PHC3: variants seen among roughly 807,000 people sequenced by gnomAD.
PHC3 encodes the protein polyhomeotic-like protein 3.
In PHC3, 13 loss-of-function variants were observed where a neutral mutation model predicts 107.4. The observed-to-expected ratio is 0.12, with a 90% CI of 0.08 to 0.19. The LOEUF (loss-of-function observed/expected upper bound fraction) is 0.19, where lower values mean the gene tolerates loss of function less well. PHC3 is among the 10% of genes least tolerant of loss of function. PHC3 has a pLI of 1.00. For synonymous variants in PHC3, 456 were observed against 427.4 expected (o/e 1.07, Z -0.83); for missense variants, 992 against 1,210.9 (o/e 0.82, Z 2.68).
At chr3:170,133,863 A>C (rs903191144) in intron 7 of PHC3, among the ~76,000 whole-genome samples, 3 of 152,146 alleles carry the variant, frequency 2.0e-5, no homozygotes, top group Non-Finnish European at 2.9e-5. Flanking sequence ...AAAATCCAAA[A>C]CTAGATTTCC....
At chr3:170,111,748 C>T (rs1001410706) in intron 11 of PHC3, among the ~76,000 whole-genome samples, 2 of 151,786 alleles carry the variant, frequency 1.3e-5, no homozygotes, top group Non-Finnish European at 2.9e-5. Flanking sequence ...CATGTTGCAA[C>T]AGTTTATAAA....
intron 8 of PHC3, among the ~76,000 whole-genome samples, chr3:170,126,521 TATATATA>T (rs1220585349): frequency 1.2e-5 from 1 of 81,362 alleles, no homozygotes; most frequent in Non-Finnish European, 2.4e-5. Context: ...TATATATATA[TATATATA>T]TTTTTTTTTT....
intron 6 of PHC3, among the ~76,000 whole-genome samples, chr3:170,137,980 T>G (rs1340533563): frequency 6.6e-6 from 1 of 151,950 alleles, no homozygotes; most frequent in Non-Finnish European, 1.5e-5. Flanking sequence ...GGTGGGTGGA[T>G]CACTTCAGGC....
intron 4 of PHC3, among the ~76,000 whole-genome samples, chr3:170,159,076 C>A (rs912758954): frequency 5.3e-5 from 8 of 151,640 alleles, no homozygotes; most frequent in Admixed American, 5.3e-4. Flanking sequence ...ATGGTGAAAC[C>A]GCGTATCCAC....
chr3:170,168,172 T>C (rs142596871), intron 4 of PHC3, among the ~76,000 whole-genome samples: 205 of 129,652 alleles, frequency 1.6e-3, no homozygotes, highest in African/African-American at 4.0e-3. Flanking sequence ...GGAAAGGGAA[T>C]GGAAAGGCAA....
chr3:170,165,453 T>C (rs564821655), intron 4 of PHC3, among the ~76,000 whole-genome samples: 2 of 151,606 alleles, frequency 1.3e-5, no homozygotes, highest in Non-Finnish European at 2.9e-5. Context: ...AACAAAGATA[T>C]CAGAATTATA....
chr3:170,096,571 C>T lies in PHC3; in HGVS notation c.*659G>A, dbSNP rs1714668012. ...CAAAACTGACCTCCACTGAGAACCACTGCTCTAAATAAATGTACAAAAACT... is the reference window on the plus strand; with the variant it reads ...CAAAACTGACCTCCACTGAGAACCATTGCTCTAAATAAATGTACAAAAACT... On this transcript the variant is annotated 3_prime_UTR_variant, in exon 15 of 15. Coordinates refer to ENST00000495893, the MANE Select transcript of PHC3 (RefSeq NM_024947.4). 1 of 152,116 alleles carries T rather than the reference C, an allele frequency of 6.6e-6. No individual in the cohort carries two copies. The highest frequency in any genetic ancestry group is 1.5e-5 in the Non-Finnish European group (1 of 68,022). 9.4% of individuals were successfully genotyped at this position (152,116 alleles called of 1,614,324 possible).
At chr3:170,124,907 AAAAAT>A (rs888524905) in intron 8 of PHC3, among the ~76,000 whole-genome samples, 12 of 152,334 alleles carry the variant, frequency 7.9e-5, no homozygotes, top group East Asian at 1.9e-4. Context: ...GGTGACAATC[AAAAAT>A]AAAATAAAAT....
At chr3:170,154,652 T>C (rs1338685794) in intron 4 of PHC3, among the ~76,000 whole-genome samples, 1 of 152,182 alleles carries the variant, frequency 6.6e-6, no homozygotes, top group African/African-American at 2.4e-5. Flanking sequence ...TGAAGACAAC[T>C]AGCAACGCCC....
At chr3:170,141,453 A>C (rs926242246) in intron 6 of PHC3, among the ~76,000 whole-genome samples, 1 of 152,108 alleles carries the variant, frequency 6.6e-6, no homozygotes, top group Non-Finnish European at 1.5e-5. Context: ...AATTATTTTG[A>C]CTCTATTCAC....
chr3:170,168,401 A>G (rs1424948890), intron 4 of PHC3, among the ~76,000 whole-genome samples: 1 of 152,144 alleles, frequency 6.6e-6, no homozygotes, highest in Non-Finnish European at 1.5e-5. Flanking sequence ...TGCTCCATTT[A>G]AGTTGAAATA....
intron 9 of PHC3, among the ~76,000 whole-genome samples, chr3:170,119,052 A>AAG (rs1553784581): frequency 1.3e-5 from 2 of 151,382 alleles, no homozygotes; most frequent in East Asian, 3.9e-4. Context: ...AAAAAAAAAA[A>AAG]AAAGAAAAAG....
At chr3:170,109,917 AAGTACAT>A (rs1274314790) in intron 11 of PHC3, among the ~76,000 whole-genome samples, 2 of 152,150 alleles carry the variant, frequency 1.3e-5, no homozygotes, top group Non-Finnish European at 2.9e-5. Context: ...ATAAACACTG[AAGTACAT>A]AGTAACAGAA....
intron 4 of PHC3, among the ~76,000 whole-genome samples, chr3:170,161,910 A>G (rs953733400): frequency 2.6e-4 from 39 of 152,270 alleles, no homozygotes; most frequent in African/African-American, 8.9e-4. Flanking sequence ...TAAAGGTCCT[A>G]TCTCTAATAC....
Position 170,136,432 on chromosome 3 carries a change from C to A in PHC3, c.906G>T (p.Gln302His). ...GTTTTATCCCACCTGGTGCTATTAA[C>A]TGGTGAATACTTGATGTCCGGGTGA... is the stretch of plus-strand genomic sequence containing the variant. ...TAVTRTSSIH[Q>H]LIAPASYSPI... The change falls in exon 7 of 15, where the codon CAG (glutamine) becomes CAT (histidine). Residue 302 changes from glutamine to histidine, a missense_variant. Around this residue, in one of 6 missense-constraint regions of PHC3, gnomAD observed 543 missense variants for 590.8 expected, o/e 0.92. Coordinates refer to ENST00000495893, the MANE Select transcript of PHC3 (RefSeq NM_024947.4). The A allele has an allele frequency of 6.2e-7, 1 of 1,608,320 alleles. No individual in the cohort carries two copies. The highest frequency in any genetic ancestry group is 1.1e-5 in the South Asian group (1 of 89,466).
At chr3:170,177,665 C>CA (rs1730686920) in intron 2 of PHC3, among the ~76,000 whole-genome samples, 10 of 119,696 alleles carry the variant, frequency 8.4e-5, no homozygotes, top group Admixed American at 5.6e-4. Context: ...CCACGCCCAG[C>CA]ATTTTTTTTT....
intron 2 of PHC3, among the ~76,000 whole-genome samples, chr3:170,178,383 G>C (rs565468988): frequency 6.6e-6 from 1 of 151,716 alleles, no homozygotes; most frequent in Non-Finnish European, 1.5e-5. Flanking sequence ...CGCCCGCCTC[G>C]GCCTCCCAAA....
intron 4 of PHC3, chr3:170,150,099 T>A (rs1228266321): frequency 3.3e-5 from 5 of 152,252 alleles, no homozygotes; most frequent in African/African-American, 1.2e-4. Flanking sequence ...ATAGTTATTA[T>A]GTGTCAGTTA....
At chr3:170,140,265 T>C (rs1723823976) in intron 6 of PHC3, among the ~76,000 whole-genome samples, 1 of 151,302 alleles carries the variant, frequency 6.6e-6, no homozygotes, top group African/African-American at 2.4e-5. Context: ...TTTCTTTTTC[T>C]TTTTTACTTT....
Sources: gnomAD v4.1 joint callset for allele counts (sites outside exome capture counted in the v4.1 genomes callset) on GRCh38, gnomAD v4.1.1 for gene constraint, gnomAD v4.1.1 regional missense constraint, MANE v1.5 for transcripts, NCBI Gene and HGNC (gene_info 2026-07-23, HGNC 2026-07-21) for gene names.